The following TTC34 variants were observed in gnomAD, a reference collection of about 807,000 sequenced individuals.
TTC34 encodes tetratricopeptide repeat domain 34, also known as tetratricopeptide repeat protein 34.
TTC34 carries 44 observed loss-of-function variants against 40.7 expected under a neutral mutation model. The observed-to-expected ratio is 1.08, with a 90% CI of 0.85 to 1.39. TTC34 has a LOEUF of 1.39. Among genes scored for constraint, TTC34 ranks in the 40% most tolerant of loss-of-function variants. TTC34 has a pLI of 0.00. For missense variants in TTC34, 884 were observed against 838.0 expected, an observed-to-expected ratio of 1.05 and a Z score of -0.68; for synonymous variants, 422 against 398.6, an observed-to-expected ratio of 1.06 and a Z score of -0.70.
intron 6 of TTC34, among the ~76,000 whole-genome samples, chr1:2,777,335 TC>T (rs1643253398): frequency 3.9e-5 from 2 of 51,840 alleles, no homozygotes; most frequent in African/African-American, 1.6e-4. Flanking sequence ...ACCCCACACC[TC>T]CAGGGGGAGC....
intron 6 of TTC34, among the ~76,000 whole-genome samples, chr1:2,683,854 G>C (rs1486828845): frequency 1.4e-4 from 21 of 146,290 alleles, no homozygotes; most frequent in East Asian, 4.0e-4. Context: ...ACATCCGACA[G>C]CCTGGAGCAG....
intron 6 of TTC34, among the ~76,000 whole-genome samples, chr1:2,768,554 CTGAT>C (rs1641875487): frequency 6.6e-6 from 1 of 151,850 alleles, no homozygotes; most frequent in Non-Finnish European, 1.5e-5. Context: ...AGGTGAGCAT[CTGAT>C]AGCCTGGATA....
At chr1:2,683,654 C>T (rs1252787282) in intron 6 of TTC34, among the ~76,000 whole-genome samples, 7 of 147,546 alleles carry the variant, frequency 4.7e-5, no homozygotes, top group Non-Finnish European at 7.4e-5. Context: ...CATCTGACAG[C>T]CTGGAGCAGC....
At chr1:2,778,534 T>G (rs999532033) in intron 6 of TTC34, among the ~76,000 whole-genome samples, 13 of 152,198 alleles carry the variant, frequency 8.5e-5, no homozygotes, top group Non-Finnish European at 1.8e-4. Context: ...CCTTTTGTCT[T>G]AGCTGTTTAT....
intron 6 of TTC34, among the ~76,000 whole-genome samples, chr1:2,759,717 A>T (rs1450196922): frequency 2.4e-5 from 2 of 82,600 alleles, no homozygotes; most frequent in Non-Finnish European, 4.2e-5. Context: ...CAGGACCCAC[A>T]CCCCGAGGTG....
rs1020348199 is a variant in TTC34 at position 2,796,220 on chromosome 1, G to A, written c.784+3824C>T. Among the ~76,000 whole-genome samples the A allele has an allele frequency of 1.5e-4, 23 of 152,164 alleles. No individual in the cohort carries two copies. The highest frequency in any genetic ancestry group is 5.6e-4 in the African/African-American group (23 of 41,438). On this transcript the variant is annotated intron_variant, in intron 2 of 8. Transcript: ENST00000401095. This position sits in a 1 kb window ranked among gnomAD's most constrained non-coding sequence, Gnocchi z 4.5. ...CTCATTATGGATCACCCAGCCCGTG[G>A]CATTCTGTCACAGCAGCACAAATGG...
At chr1:2,637,798 A>C (rs1203058215) in exon 9 of TTC34, 4 of 152,262 alleles carry the variant, frequency 2.6e-5, no homozygotes, top group Non-Finnish European at 5.9e-5. Flanking sequence ...TGTTCCTGAG[A>C]GCCTCGGGGC....
At chr1:2,788,110 T>C (rs1643615429) in intron 3 of TTC34, among the ~76,000 whole-genome samples, 2 of 152,248 alleles carry the variant, frequency 1.3e-5, no homozygotes, top group Admixed American at 1.3e-4. Context: ...GGAATGTTAC[T>C]GAGTGCTCAC....
rs1288013104 is a variant in TTC34 at position 2,779,308 on chromosome 1, A to G, written c.2226+4301T>C. Among the ~76,000 whole-genome samples the G allele has an allele frequency of 4.0e-5, 6 of 151,694 alleles. No individual in the cohort carries two copies. The South Asian group carries it at 8.3e-4, about 21-fold the overall frequency. On this transcript the variant is annotated intron_variant, in intron 6 of 8. Transcript: ENST00000401095. The stretch of plus-strand genomic sequence containing the variant: ...GACCCAGATGTGGAATTGCTTGATC[A>G]TATGGTAGTTCTATTTTTTTTTTCT...
At chr1:2,683,675 C>G (rs571543102) in intron 6 of TTC34, among the ~76,000 whole-genome samples, 25 of 149,980 alleles carry the variant, frequency 1.7e-4, no homozygotes, top group African/African-American at 5.5e-4. Context: ...ACGCTGCACC[C>G]CCAGGTGACG....
rs542004708 is a variant in TTC34, at chr1:2,787,399, G to A, written c.1854+82C>T. ...CAAAGCCCAGACTGTGGGGTCCAGC[G>A]CCAGGGCCACGGGAGGCCTGTGCCC... On this transcript the variant is annotated intron_variant, in intron 4 of 8. Coordinates refer to ENST00000401095, the Ensembl canonical transcript of TTC34. 1.1e-5 allele frequency: 14 copies of A among 1,307,272 alleles called. 1 individual carries two copies. Among genetic ancestry groups the A allele is most frequent in the Admixed American group, 2.9e-5 (1 of 34,360 alleles). The allele number at this position is 1,307,272 out of a possible 1,614,324, so 81.0% of individuals were successfully genotyped here.
intron 6 of TTC34, among the ~76,000 whole-genome samples, chr1:2,691,065 A>T (rs1274613660): frequency 1.2e-5 from 1 of 82,202 alleles, no homozygotes; most frequent in African/African-American, 3.9e-5. Flanking sequence ...CCACAAACCC[A>T]GGTGAGCATC....
chr1:2,755,807 T>C (rs1641486069), intron 6 of TTC34, among the ~76,000 whole-genome samples: 3 of 119,328 alleles, frequency 2.5e-5, no homozygotes, highest in Admixed American at 8.5e-5. Flanking sequence ...TCTGATGGTC[T>C]GGAGCAGCAC....
chr1:2,641,581 G>A (rs1193506357), exon 9 of TTC34: 3 of 1,533,154 alleles, frequency 2.0e-6, no homozygotes, highest in Non-Finnish European at 2.6e-6. Context: ...TCTGGGCCAA[G>A]GAGGGCGCCA....
intron 6 of TTC34, among the ~76,000 whole-genome samples, chr1:2,685,840 C>A (rs1391659278): frequency 1.4e-5 from 2 of 148,076 alleles, no homozygotes; most frequent in African/African-American, 2.6e-5. Context: ...CACCCCCATG[C>A]CCAGGTGAGC....
chr1:2,675,281 T>G (rs1171286074), intron 6 of TTC34, among the ~76,000 whole-genome samples: 1 of 120,620 alleles, frequency 8.3e-6, no homozygotes, highest in Non-Finnish European at 1.8e-5. Flanking sequence ...GCACCCCACA[T>G]CACCGGGTGA....
chr1:2,756,892 G>C (rs1641524967), intron 6 of TTC34, among the ~76,000 whole-genome samples: 36 of 151,400 alleles, frequency 2.4e-4, no homozygotes, highest in Admixed American at 3.9e-4. Flanking sequence ...TGATGGTCTG[G>C]AGCAGTACCC....
chr1:2,682,074 T>C (rs1183251612), intron 6 of TTC34, among the ~76,000 whole-genome samples: 7 of 84,438 alleles, frequency 8.3e-5, no homozygotes, highest in East Asian at 3.7e-4. Context: ...CACCCACAGG[T>C]GAGCATCTGA....
At chr1:2,665,999 G>A (rs1639638383) in intron 6 of TTC34, among the ~76,000 whole-genome samples, 1 of 45,742 alleles carries the variant, frequency 2.2e-5, no homozygotes, top group African/African-American at 5.8e-5. Context: ...GCCTGGAAGA[G>A]CACCCCACAT....
Sources: gnomAD v4.1 joint callset for allele counts (sites outside exome capture counted in the v4.1 genomes callset) on GRCh38, gnomAD v4.1.1 for gene constraint, Gnocchi (gnomAD v3.1) non-coding constraint, MANE v1.5 for transcripts, NCBI Gene and HGNC (gene_info 2026-07-23, HGNC 2026-07-21) for gene names.